The following NLGN1 variants were observed in gnomAD, a reference collection of about 807,000 sequenced individuals.
The protein encoded by NLGN1 is neuroligin-1.
In NLGN1, 12 loss-of-function variants were observed where a neutral mutation model predicts 65.5. The observed-to-expected ratio is 0.18, with a 90% CI of 0.12 to 0.30. NLGN1 has a LOEUF of 0.30. Ranked by LOEUF, NLGN1 falls within the 10% of genes least tolerant of loss-of-function variation. NLGN1 has a pLI of 1.00. For synonymous variants in NLGN1, 350 were observed against 359.5 expected (o/e 0.97, Z 0.30); for missense variants, 750 against 1,007.1 (o/e 0.74, Z 3.46).
chr3:173,986,075 G>A (rs1051288392), intron 4 of NLGN1, among the ~76,000 whole-genome samples: 1 of 152,202 alleles, frequency 6.6e-6, no homozygotes, highest in Admixed American at 6.5e-5. Context: ...GACTTTATTT[G>A]TAAATAGAGT....
intron 2 of NLGN1, among the ~76,000 whole-genome samples, chr3:173,593,086 C>T (rs2149404064): frequency 6.6e-6 from 1 of 152,290 alleles, no homozygotes; most frequent in East Asian, 1.9e-4. Flanking sequence ...GGAAGATCAT[C>T]ATTCCCACTC....
chr3:173,957,346 A>T (rs1390740739), intron 4 of NLGN1, among the ~76,000 whole-genome samples: 1 of 152,218 alleles, frequency 6.6e-6, no homozygotes, highest in East Asian at 1.9e-4. Flanking sequence ...AGATATAAAT[A>T]GCATAGCTCA....
chr3:173,613,668 C>A (rs1752638933), intron 3 of NLGN1, among the ~76,000 whole-genome samples: 1 of 151,982 alleles, frequency 6.6e-6, no homozygotes, highest in Non-Finnish European at 1.5e-5. Context: ...GGGAATTGAA[C>A]AACGTTATTT....
rs192177360 is a variant in NLGN1 at position 173,918,335 on chromosome 3, A to T, written c.646+110503A>T. On this transcript the variant is annotated intron_variant, in intron 4 of 6. Transcript: ENST00000457714. ...TCTACAAAAGGTATCAAACACCGGAATTTTAAAATGCATAGAATGGGCCGG... is the reference window on the plus strand; with the variant it reads ...TCTACAAAAGGTATCAAACACCGGATTTTTAAAATGCATAGAATGGGCCGG... 9.9e-5 allele frequency among the ~76,000 whole-genome samples: 15 copies of T among 152,166 alleles called. No individual in the cohort carries two copies. The East Asian group carries it at 2.5e-3, about 26-fold the overall frequency.
intron 4 of NLGN1, among the ~76,000 whole-genome samples, chr3:173,888,370 T>C (rs1367843986): frequency 1.3e-5 from 2 of 152,086 alleles, no homozygotes; most frequent in African/African-American, 4.8e-5. Flanking sequence ...AGATTACTTA[T>C]AATACCTAGT....
chr3:174,271,319 C>G (rs1187210735), intron 4 of NLGN1, among the ~76,000 whole-genome samples: 1 of 150,852 alleles, frequency 6.6e-6, no homozygotes, highest in African/African-American at 2.4e-5. Flanking sequence ...TTTTAACATT[C>G]TAAAGATATT....
chr3:173,808,875 G>A (rs779312539), intron 4 of NLGN1, among the ~76,000 whole-genome samples: 18 of 152,154 alleles, frequency 1.2e-4, no homozygotes, highest in Non-Finnish European at 2.2e-4. Flanking sequence ...TTTTATCCAC[G>A]TTGAGAATCA....
At chr3:173,862,128 C>G (rs796171388) in intron 4 of NLGN1, among the ~76,000 whole-genome samples, 25 of 152,050 alleles carry the variant, frequency 1.6e-4, no homozygotes, top group African/African-American at 6.0e-4. Context: ...ACATAACTTC[C>G]AATAATTTTA....
chr3:174,128,081 T>C (rs1719338084), intron 4 of NLGN1, among the ~76,000 whole-genome samples: 1 of 152,176 alleles, frequency 6.6e-6, no homozygotes, highest in Non-Finnish European at 1.5e-5. Context: ...AATGACTTAA[T>C]GCTAAATGAG....
intron 3 of NLGN1, among the ~76,000 whole-genome samples, chr3:173,698,720 T>C (rs1766632201): frequency 1.3e-5 from 2 of 152,218 alleles, no homozygotes; most frequent in South Asian, 4.1e-4. Context: ...CCCAAATGAA[T>C]AAATGATTAA....
chr3:174,270,125 CTTTT>C (rs10547985), intron 4 of NLGN1, among the ~76,000 whole-genome samples: 118 of 120,060 alleles, frequency 9.8e-4, no homozygotes, highest in African/African-American at 1.8e-3. Context: ...GGTTTCCTTT[CTTTT>C]TTTTTTTTTT....
At chr3:174,184,912 T>A in intron 4 of NLGN1, among the ~76,000 whole-genome samples, 1 of 151,852 alleles carries the variant, frequency 6.6e-6, no homozygotes, top group African/African-American at 2.4e-5. Context: ...AAGTCCAGAG[T>A]GGACAGATCT....
At chr3:173,729,757 G>A (rs557090553) in intron 3 of NLGN1, among the ~76,000 whole-genome samples, 13 of 152,134 alleles carry the variant, frequency 8.5e-5, no homozygotes, top group African/African-American at 3.1e-4. Context: ...TGAATGCATT[G>A]TCAAATGTCC....
chr3:174,093,009 A>G (rs946695816), intron 4 of NLGN1, among the ~76,000 whole-genome samples: 2 of 152,190 alleles, frequency 1.3e-5, no homozygotes, highest in Non-Finnish European at 2.9e-5. Context: ...TGAGCTAGCC[A>G]GTCCCATGGG....
Position 173,974,081 on chromosome 3 carries a change from A to G in NLGN1, c.646+166249A>G, listed in dbSNP as rs1322652568. Among the ~76,000 whole-genome samples, 3 of 152,050 alleles carry G rather than the reference A, an allele frequency of 2.0e-5. No individual in the cohort carries two copies. The East Asian group carries it at 5.8e-4, about 29-fold the overall frequency. ...TGTGCAGAACAACTTGAAATCTACA[A>G]CGTAGCCTCAGGATAAATAATCAAA... On this transcript the variant is annotated intron_variant, in intron 4 of 6. Coordinates refer to ENST00000457714, the Ensembl canonical transcript of NLGN1.
chr3:173,476,781 A>G (rs1243171817), intron 2 of NLGN1, among the ~76,000 whole-genome samples: 1 of 152,194 alleles, frequency 6.6e-6, no homozygotes, highest in Non-Finnish European at 1.5e-5. Context: ...TTTAGATAAT[A>G]GATAATAGAA....
intron 2 of NLGN1, among the ~76,000 whole-genome samples, chr3:173,458,108 T>C (rs1722797248): frequency 6.6e-6 from 1 of 151,564 alleles, no homozygotes; most frequent in African/African-American, 2.4e-5. Context: ...AGAAGAGGAG[T>C]AAGGACTGAG....
intron 4 of NLGN1, among the ~76,000 whole-genome samples, chr3:174,137,732 A>G (rs141278442): frequency 1.3e-5 from 2 of 152,270 alleles, no homozygotes; most frequent in East Asian, 1.9e-4. Flanking sequence ...GAAAATACCT[A>G]TAGTTCTATA....
intron 4 of NLGN1, among the ~76,000 whole-genome samples, chr3:174,040,714 G>A (rs1379441749): frequency 1.3e-5 from 2 of 151,978 alleles, no homozygotes; most frequent in Non-Finnish European, 2.9e-5. Context: ...CTTTTAGAAA[G>A]TAAGAGGTTT....
Sources: allele counts gnomAD v4.1 joint callset (sites outside exome capture counted in the v4.1 genomes callset), GRCh38; gene constraint gnomAD v4.1.1; transcripts MANE v1.5; gene names NCBI Gene and HGNC (gene_info 2026-07-23, HGNC 2026-07-21).